Variants in BCCIP observed in about 807,000 individuals in gnomAD.
BCCIP encodes BRCA2 and CDKN1A-interacting protein.
A neutral mutation model predicts 32.8 loss-of-function variants in BCCIP; 23 were observed. That is an observed-to-expected ratio of 0.70 (90% CI 0.51 to 0.99). The LOEUF (loss-of-function observed/expected upper bound fraction) is 0.99. Among genes scored for constraint, BCCIP ranks in the 50% least tolerant of loss-of-function variants. The probability of loss-of-function intolerance (pLI) is 0.00; values close to 1 mark genes in which losing one functional copy is unlikely to be tolerated. For synonymous variants in BCCIP, 144 were observed against 137.6 expected (o/e 1.05, Z -0.33); for missense variants, 378 against 379.8 (o/e 1.00, Z 0.04).
At chr10:125,847,567 C>T (rs1016631524), downstream of BCCIP, among the ~76,000 whole-genome samples, 1 of 152,120 alleles carries the variant, frequency 6.6e-6, no homozygotes, top group Non-Finnish European at 1.5e-5. Flanking sequence ...CACCAGGGAC[C>T]GACTTCATGG....
intron 1 of BCCIP, among the ~76,000 whole-genome samples, chr10:125,824,697 A>G (rs1433085036): frequency 2.4e-5 from 3 of 124,234 alleles, no homozygotes; most frequent in African/African-American, 6.1e-5. Context: ...TCTTTTCTCC[A>G]TTTTTGTTCC....
rs111275371 is a variant in BCCIP at position 125,841,954 on chromosome 10, A to G, written c.*595A>G. 4.5e-5 allele frequency: 71 copies of G among 1,568,418 alleles called. 1 individual carries two copies. In the African/African-American group the frequency reaches 7.4e-4, roughly 16 times the overall value. On this transcript the variant is annotated 3_prime_UTR_variant, in exon 7 of 7. Transcript: ENST00000299130. ...CTGGTGCTAGGAAAGGAAAAAAATA[A>G]TAATTTAAGAGTCTCATATGGCTAA...
downstream of BCCIP, among the ~76,000 whole-genome samples, chr10:125,846,428 GTTGGT>G (rs1944021571): frequency 6.6e-6 from 1 of 152,188 alleles, no homozygotes; most frequent in Non-Finnish European, 1.5e-5. Flanking sequence ...TATGTTTGGT[GTTGGT>G]TCATGATTTC....
intron 7 of BCCIP, among the ~76,000 whole-genome samples, chr10:125,850,164 A>T (rs140059437): frequency 2.7e-4 from 40 of 148,494 alleles, no homozygotes; most frequent in African/African-American, 9.4e-4. Context: ...ATTTGTAGAG[A>T]TGGGGTCTTG....
rs1224158385 is a variant in BCCIP at position 125,833,878 on chromosome 10, AAG to A, written c.708_709del (p.Lys237ThrfsTer2). 6 of 1,614,154 alleles carry A rather than the reference AAG, an allele frequency of 3.7e-6. No homozygotes were observed. The highest frequency in any genetic ancestry group is 5.1e-6 in the Non-Finnish European group (6 of 1,180,060). On this transcript the variant is annotated frameshift_variant, in exon 6 of 7. Transcript: ENST00000278100. LOFTEE classifies it high-confidence loss of function. ...FVEAGKNNSK[K>X]KPSNKKKAAL... is the part of the protein sequence containing the mutation. ...GGAAGCAGGAAAAAACAATTCCAAA[AAG>A]AAACCTAGCAACAAAAAGAAAGCTG...
chr10:125,852,502 C>G (rs747287125), intron 7 of BCCIP: 1 of 1,613,030 alleles, frequency 6.2e-7, no homozygotes, highest in Non-Finnish European at 8.5e-7. Context: ...TGCCTGCATA[C>G]AAGAATTGAC....
downstream of BCCIP, chr10:125,841,025 G>C: frequency 1.3e-6 from 2 of 1,582,560 alleles, no homozygotes; most frequent in Non-Finnish European, 1.7e-6. Flanking sequence ...CACATGGTTA[G>C]CAATAATGAA....
chr10:125,848,121 AG>A (rs1267594057), intron 7 of BCCIP, among the ~76,000 whole-genome samples: 1 of 152,174 alleles, frequency 6.6e-6, no homozygotes, highest in African/African-American at 2.4e-5. Context: ...GATTTATTTT[AG>A]GGTTGGGACT....
Position 125,823,584 on chromosome 10 carries a change from C to A in BCCIP, c.27C>A (p.Ala9=), listed in dbSNP as rs200404406. 6.8e-6 allele frequency: 11 copies of A among 1,613,906 alleles called. No homozygotes were observed. The highest frequency in any genetic ancestry group is 9.3e-6 in the Non-Finnish European group (11 of 1,179,930). Residue 9 remains alanine (A), a synonymous_variant, in exon 1 of 7, where the codon GCC becomes GCA. Coordinates refer to ENST00000278100, the MANE Select transcript of BCCIP (RefSeq NM_078468.3). ...TGGCGTCCAGGTCTAAGCGGCGTGCCGTGGAAAGTGGGGTTCCGCAGCCGC... is the reference window on the plus strand; with the variant it reads ...TGGCGTCCAGGTCTAAGCGGCGTGCAGTGGAAAGTGGGGTTCCGCAGCCGC... MASRSKRR[A]VESGVPQPPD... is the part of the protein sequence containing the mutation.
rs1854509182 is a variant in BCCIP, at chr10:125,830,980, C to T, written c.411+329C>T. Among the ~76,000 whole-genome samples, 4 of 152,178 alleles carry T rather than the reference C, an allele frequency of 2.6e-5. 1 individual carries two copies. In the South Asian group the frequency reaches 8.3e-4, roughly 32 times the overall value. ...TGGGGATATTCTCAGGCTTTGCTGC[C>T]TCAATGTTGAGGGCATTTACTGACA... On this transcript the variant is annotated intron_variant, in intron 4 of 6. Transcript: ENST00000278100.
At position 125,823,571 on chromosome 10, in the gene BCCIP, C is replaced by T. The variant is rs779873769; in HGVS notation, c.14C>T (p.Ser5Phe). The change falls in exon 1 of 7, where the codon TCT becomes TTT. Residue 5 changes from serine (S) to phenylalanine (F), a missense_variant. Transcript: ENST00000278100. MASR[S>F]KRRAVESGVP... ...GTGAGCGGCAACATGGCGTCCAGGT[C>T]TAAGCGGCGTGCCGTGGAAAGTGGG... 3.7e-6 allele frequency: 6 copies of T among 1,613,722 alleles called. No individual in the cohort carries two copies. Among genetic ancestry groups the T allele is most frequent in the African/African-American group, 2.7e-5 (2 of 74,932 alleles).
In BCCIP at chr10:125,841,697, T is replaced by C. The variant is rs370172603; in HGVS notation, c.*338T>C. On this transcript the variant is annotated 3_prime_UTR_variant, in exon 7 of 7. Transcript: ENST00000299130. ...AATGGATCCGATCTAAATCTATACC[T>C]AGTGCAGATTTGCAAAAAAAGAAAA... 38 of 1,589,078 alleles carry C rather than the reference T, an allele frequency of 2.4e-5. No homozygotes were observed. The African/African-American group carries it at 4.8e-4, about 20-fold the overall frequency.
downstream of BCCIP, among the ~76,000 whole-genome samples, chr10:125,838,683 A>G (rs139430361): frequency 4.1e-3 from 624 of 152,210 alleles, 2 homozygotes; most frequent in Non-Finnish European, 7.0e-3. Flanking sequence ...CCACCATACT[A>G]TGGGCGACAT....
intron 2 of BCCIP, 97 bp downstream of exon 2, chr10:125,826,762 G>A (rs1854398720): frequency 8.6e-6 from 13 of 1,511,746 alleles, no homozygotes; most frequent in Admixed American, 4.3e-5. Context: ...CATTTTGGAA[G>A]GCCGAGGTGA....
chr10:125,825,972 C>G (rs1255892613), intron 1 of BCCIP: 1 of 153,898 alleles, frequency 6.5e-6, no homozygotes, highest in Non-Finnish European at 1.4e-5. Flanking sequence ...GTTCCCTGTA[C>G]CAGGAACTCT....
chr10:125,839,307 G>A (rs1197354308), downstream of BCCIP: 14 of 984,162 alleles, frequency 1.4e-5, no homozygotes, highest in African/African-American at 3.3e-5. Flanking sequence ...AGGAGGCCAC[G>A]TAGGTGAGTG....
At chr10:125,843,023 C>T (rs1854924076), downstream of BCCIP, among the ~76,000 whole-genome samples, 2 of 151,988 alleles carry the variant, frequency 1.3e-5, no homozygotes, top group African/African-American at 4.8e-5. Context: ...TTGCACCAAC[C>T]TAATATTTAT....
intron 7 of BCCIP, among the ~76,000 whole-genome samples, chr10:125,850,223 C>T (rs940641258): frequency 6.6e-6 from 1 of 151,984 alleles, no homozygotes; most frequent in Admixed American, 6.6e-5. Context: ...AGCAGTTCTC[C>T]CACCTCAGCC....
At chr10:125,842,824 A>C (rs1406731663), downstream of BCCIP, 1 of 938,304 alleles carries the variant, frequency 1.1e-6, no homozygotes, top group Non-Finnish European at 1.3e-6. Context: ...CCATCTCTTT[A>C]TTTCTTTTAA....
Sources: gnomAD v4.1 joint callset for allele counts (sites outside exome capture counted in the v4.1 genomes callset) on GRCh38, gnomAD v4.1.1 for gene constraint, MANE v1.5 for transcripts, NCBI Gene and HGNC (gene_info 2026-07-23, HGNC 2026-07-21) for gene names.